The following CHD1L variants were observed in gnomAD, a reference collection of about 807,000 sequenced individuals.
CHD1L encodes chromodomain helicase DNA binding protein 1 like.
CHD1L carries 118 observed loss-of-function variants against 115.9 expected under a neutral mutation model. That is an observed-to-expected ratio of 1.02 (90% confidence interval 0.88 to 1.19). CHD1L has a LOEUF of 1.19. Among genes scored for constraint, CHD1L ranks in the 50% most tolerant of loss-of-function variants. The probability of loss-of-function intolerance (pLI) is 0.00; values close to 1 mark genes in which losing one functional copy is unlikely to be tolerated. For synonymous variants in CHD1L, 411 were observed against 387.1 expected, an observed-to-expected ratio of 1.06 and a Z score of -0.72; for missense variants, 1,179 against 1,065.3, an observed-to-expected ratio of 1.11 and a Z score of -1.49.
the CHD1L span, among the ~76,000 whole-genome samples, chr1:147,233,803 C>G: frequency 1.3e-5 from 2 of 151,876 alleles, no homozygotes; most frequent in African/African-American, 4.8e-5. Flanking sequence ...ACCCCCAACC[C>G]TGTGCTCTCT....
chr1:147,190,213 G>A, the CHD1L span: 5 of 1,611,306 alleles, frequency 3.1e-6, no homozygotes, highest in South Asian at 3.3e-5. Context: ...AGATATTTCT[G>A]CCATCATTTC....
the CHD1L span, among the ~76,000 whole-genome samples, chr1:147,233,730 T>A: frequency 6.6e-6 from 1 of 151,936 alleles, no homozygotes; most frequent in Non-Finnish European, 1.5e-5. Context: ...ATGGGAGACT[T>A]TTCATTTTGT....
chr1:147,198,370 A>G, the CHD1L span, among the ~76,000 whole-genome samples: 1 of 152,134 alleles, frequency 6.6e-6, no homozygotes, highest in African/African-American at 2.4e-5. Flanking sequence ...CTATATTACA[A>G]AGGGAGGGAA....
At chr1:147,186,949 T>G in the CHD1L span, 1 of 1,614,178 alleles carries the variant, frequency 6.2e-7, no homozygotes, top group Non-Finnish European at 8.5e-7. Flanking sequence ...TAGCATAAAC[T>G]TGCCTATTGT....
intron 9 of CHD1L, 118 bp downstream of exon 9, chr1:147,267,636 A>G (rs888883569): frequency 4.1e-5 from 29 of 704,760 alleles, no homozygotes; most frequent in Middle Eastern, 4.9e-4. Context: ...TTTATTCTCA[A>G]TTTCTCTGTA....
At chr1:147,186,238 T>A in the CHD1L span, 1 of 815,050 alleles carries the variant, frequency 1.2e-6, no homozygotes, top group African/African-American at 1.9e-5. Flanking sequence ...GTAGATGATC[T>A]GAATGACTGT....
chr1:147,226,847 T>TTC, the CHD1L span, among the ~76,000 whole-genome samples: 1 of 151,858 alleles, frequency 6.6e-6, no homozygotes, highest in Non-Finnish European at 1.5e-5. Flanking sequence ...ACTTTTTTTT[T>TTC]TTTGAAACAG....
chr1:147,289,374 G>T (rs1405053536), intron 19 of CHD1L, among the ~76,000 whole-genome samples: 2 of 152,168 alleles, frequency 1.3e-5, no homozygotes, highest in Non-Finnish European at 2.9e-5. Context: ...GTATTTTGAG[G>T]TACAAGGGAG....
the CHD1L span, among the ~76,000 whole-genome samples, chr1:147,231,272 G>T: frequency 6.6e-6 from 1 of 152,192 alleles, no homozygotes; most frequent in East Asian, 1.9e-4. Flanking sequence ...GTACCCAGTA[G>T]TCACTCAGGA....
chr1:147,263,755 CT>C (rs145436225), intron 6 of CHD1L, among the ~76,000 whole-genome samples: 2 of 151,380 alleles, frequency 1.3e-5, no homozygotes, highest in African/African-American at 2.4e-5. Context: ...AATTTAAGGA[CT>C]TTTTTTTTCC....
the CHD1L span, among the ~76,000 whole-genome samples, chr1:147,222,234 G>T: frequency 5.3e-5 from 8 of 152,320 alleles, 1 homozygote; most frequent in Admixed American, 5.2e-4. Context: ...GCAAGGCGTA[G>T]TAGTGCGTGT....
chr1:147,180,667 A>C, the CHD1L span, among the ~76,000 whole-genome samples: 2 of 152,182 alleles, frequency 1.3e-5, no homozygotes, highest in Non-Finnish European at 2.9e-5. Flanking sequence ...CCCCAGCTCC[A>C]TGCCATTTCT....
chr1:147,203,475 A>G, the CHD1L span: 1 of 832,252 alleles, frequency 1.2e-6, no homozygotes, highest in African/African-American at 1.7e-5. Flanking sequence ...CTACAGCCTC[A>G]GTATCTAATC....
intron 15 of CHD1L, 99 bp from the exon 16 acceptor site, chr1:147,284,252 T>C: frequency 1.1e-6 from 1 of 942,986 alleles, no homozygotes; most frequent in Non-Finnish European, 1.6e-6. Context: ...ATTTAGAATA[T>C]AGGCTGTTCT....
the CHD1L span, among the ~76,000 whole-genome samples, chr1:147,188,858 AAAGTTAAAAT>A: frequency 6.6e-6 from 1 of 152,104 alleles, no homozygotes; most frequent in Admixed American, 6.6e-5. Context: ...AGAGAGGAGG[AAAGTTAAAAT>A]AAGATACTTT....
At chr1:147,234,438 A>G in the CHD1L span, among the ~76,000 whole-genome samples, 1 of 152,228 alleles carries the variant, frequency 6.6e-6, no homozygotes, top group East Asian at 1.9e-4. Flanking sequence ...AAAAAAGATG[A>G]GGAGATAAAT....
the CHD1L span, chr1:147,212,308 A>G: frequency 1.2e-4 from 170 of 1,406,480 alleles, no homozygotes; most frequent in Non-Finnish European, 1.4e-4. Flanking sequence ...AGGTATCCCT[A>G]TTCTCTGTTG....
intron 3 of CHD1L, among the ~76,000 whole-genome samples, chr1:147,255,449 A>G (rs1553939447): frequency 6.6e-6 from 1 of 152,028 alleles, no homozygotes; most frequent in East Asian, 1.9e-4. Context: ...CTGGTCTCAA[A>G]CTCCCGACCT....
the CHD1L span, among the ~76,000 whole-genome samples, chr1:147,189,047 G>A: frequency 3.0e-3 from 450 of 151,950 alleles, 2 homozygotes; most frequent in African/African-American, 5.9e-3. Context: ...AGGCTGAGGC[G>A]GGCAGATCAC....
Sources: allele counts gnomAD v4.1 joint callset (sites outside exome capture counted in the v4.1 genomes callset), GRCh38; gene constraint gnomAD v4.1.1; transcripts MANE v1.5; gene names NCBI Gene and HGNC (gene_info 2026-07-23, HGNC 2026-07-21).